Variants in RAB8A observed in about 807,000 individuals in gnomAD.
RAB8A encodes ras-related protein Rab-8A.
Under a neutral mutation model 29.2 loss-of-function variants are expected in RAB8A, and 5 were observed. The observed-to-expected ratio is 0.17, with a 90% CI of 0.09 to 0.36. The LOEUF is 0.36. RAB8A is among the 10% of genes least tolerant of loss of function. The pLI is 1.00. For missense variants in RAB8A, 171 were observed against 272.2 expected (o/e 0.63, Z 2.62); for synonymous variants, 108 against 99.9 (o/e 1.08, Z -0.49).
intron 6 of RAB8A, among the ~76,000 whole-genome samples, chr19:16,129,290 T>C (rs1204803620): frequency 2.0e-5 from 3 of 152,058 alleles, no homozygotes; most frequent in African/African-American, 7.2e-5. Flanking sequence ...AGGTGGCACA[T>C]GCGTAAAGTC....
chr19:16,130,914 C>T (rs1408738957), intron 7 of RAB8A, among the ~76,000 whole-genome samples: 1 of 152,090 alleles, frequency 6.6e-6, no homozygotes, highest in Non-Finnish European at 1.5e-5. Context: ...ACCTCTGCCT[C>T]CCAGGTTCAA....
At chr19:16,118,188 G>A in intron 1 of RAB8A, 38 bp from the exon 2 acceptor site, 6 of 1,584,090 alleles carry the variant, frequency 3.8e-6, no homozygotes, top group Non-Finnish European at 5.2e-6. Context: ...TTGGGAAATG[G>A]GCTGACAGTG....
intron 1 of RAB8A, among the ~76,000 whole-genome samples, chr19:16,114,331 C>G (rs2090836843): frequency 6.7e-6 from 1 of 149,890 alleles, no homozygotes; most frequent in South Asian, 2.1e-4. Context: ...GACTGGCTTG[C>G]ATTCACTCAG....
Sources: gnomAD v4.1 joint callset for allele counts (sites outside exome capture counted in the v4.1 genomes callset) on GRCh38, gnomAD v4.1.1 for gene constraint, MANE v1.5 for transcripts, NCBI Gene and HGNC (gene_info 2026-07-23, HGNC 2026-07-21) for gene names.